Variants in TREML2 observed in about 807,000 individuals in gnomAD.
TREML2 encodes the protein trem-like transcript 2 protein.
TREML2 carries 24 observed loss-of-function variants against 25.9 expected under a neutral mutation model. That is an observed-to-expected ratio of 0.93 (90% CI 0.67 to 1.30). The LOEUF (loss-of-function observed/expected upper bound fraction) is 1.30, where lower values mean the gene tolerates loss of function less well. Among genes scored for constraint, TREML2 ranks in the 50% most tolerant of loss-of-function variants. The probability of loss-of-function intolerance (pLI) is 0.00; values close to 1 mark genes in which losing one functional copy is unlikely to be tolerated. For synonymous variants in TREML2, 139 were observed against 155.2 expected, an observed-to-expected ratio of 0.90 and a Z score of 0.77; for missense variants, 359 against 395.6, an observed-to-expected ratio of 0.91 and a Z score of 0.78.
At chr6:41,192,925 A>G (rs1766093937) in intron 3 of TREML2, 24 bp from the exon 4 acceptor site, 2 of 1,528,380 alleles carry the variant, frequency 1.3e-6, no homozygotes, top group African/African-American at 2.8e-5. Flanking sequence ...ACAGGGTGGA[A>G]GCGGGTGAGC....
At chr6:41,200,071 C>G (rs374812482) in intron 1 of TREML2, among the ~76,000 whole-genome samples, 3 of 152,230 alleles carry the variant, frequency 2.0e-5, no homozygotes, top group East Asian at 3.9e-4. Context: ...TCCAGGACAT[C>G]TGTCCCACCA....
rs1766125265 is a variant in TREML2, at chr6:41,194,606, G to T, written c.604C>A (p.Pro202Thr). ...GTCTGGGACCCCATGGTCCTCCTGGGTCCCTGGCTGGTGGTGCTGGTAGCA... is the reference window on the plus strand; with the variant it reads ...GTCTGGGACCCCATGGTCCTCCTGGTTCCCTGGCTGGTGGTGCTGGTAGCA... ...FTATSTTSQG[P>T]RRTMGSQTVT... Residue 202 changes from proline to threonine, a missense_variant, in exon 3 of 5, where the codon CCC becomes ACC. Coordinates refer to ENST00000483722, the MANE Select transcript of TREML2 (RefSeq NM_024807.4). 10 of 1,614,114 alleles carry T rather than the reference G, an allele frequency of 6.2e-6. No individual in the cohort carries two copies. The Middle Eastern group carries it at 8.2e-4, about 133-fold the overall frequency.
In TREML2 at chr6:41,198,147, A is replaced by G; in HGVS notation, c.338T>C (p.Leu113Pro). Residue 113 changes from leucine (L) to proline (P), a missense_variant, in exon 2 of 5, where the codon CTG becomes CCG. Transcript: ENST00000483722. ...CAGCTGGAAGCCCATCAAGGGGTAC[A>G]GGATCCCAGAGGTGTTGCGCATGCA... ...YWCMRNTSGI[L>P]YPLMGFQLDV... 1.9e-6 allele frequency: 3 copies of G among 1,610,264 alleles called. No homozygotes were observed. Among genetic ancestry groups the G allele is most frequent in the Non-Finnish European group, 2.5e-6 (3 of 1,176,936 alleles).
intron 3 of TREML2, among the ~76,000 whole-genome samples, chr6:41,194,085 A>C: frequency 2.5e-5 from 3 of 118,034 alleles, no homozygotes; most frequent in Admixed American, 8.7e-5. Flanking sequence ...TCCTCCTTTC[A>C]CCTGACCTTC....
rs1217721768 is a variant in TREML2 at position 41,192,801 on chromosome 6, T to A, written c.886A>T (p.Ser296Cys). ...YGFWKKRHMA[S>C]YSMCSDPSTR... ...AGGCTGGGAGGTGGGCTCTACTCAC[T>A]TGCCATGTGTCTCTTCTTCCAAAAC... The change falls in exon 4 of 5, where the codon AGC becomes TGC. Residue 296 changes from serine (S) to cysteine (C), a missense_variant and splice_region_variant. Transcript: ENST00000483722. 6.2e-7 allele frequency: 1 copy of A among 1,611,452 alleles called. No individual in the cohort carries two copies. Among genetic ancestry groups the A allele is most frequent in the Non-Finnish European group, 8.5e-7 (1 of 1,178,474 alleles).
intron 1 of TREML2, 43 bp downstream of exon 1, chr6:41,200,911 G>A (rs1766260958): frequency 6.7e-7 from 1 of 1,489,872 alleles, no homozygotes; most frequent in Non-Finnish European, 8.9e-7. Context: ...TCCTGCCTCT[G>A]TACCCACTCC....
intron 2 of TREML2, among the ~76,000 whole-genome samples, chr6:41,196,436 C>A (rs761571927): frequency 9.9e-5 from 15 of 152,166 alleles, no homozygotes; most frequent in Non-Finnish European, 1.8e-4. Context: ...TAGCTGAGTC[C>A]TTTCCCTTTT....
At chr6:41,195,092 C>A (rs1053083458) in intron 2 of TREML2, among the ~76,000 whole-genome samples, 2 of 152,148 alleles carry the variant, frequency 1.3e-5, no homozygotes, top group Non-Finnish European at 1.5e-5. Flanking sequence ...CGTGTCAGGC[C>A]ACCTGTTCCC....
chr6:41,192,449 T>A lies in TREML2; in HGVS notation c.944A>T (p.Tyr315Phe). Reference protein sequence around the residue: ...TRDPPGRPEPYVEVYLI With the variant: ...TRDPPGRPEPFVEVYLI ...GCCTCAGATCAAGTAGACTTCCACATAGGGCTCTGGTCTTCCAGGTGGGTC... is the reference window on the plus strand; with the variant it reads ...GCCTCAGATCAAGTAGACTTCCACAAAGGGCTCTGGTCTTCCAGGTGGGTC... Residue 315 changes from tyrosine (Y) to phenylalanine (F), a missense_variant, in exon 5 of 5, where the codon TAT (tyrosine) becomes TTT (phenylalanine). Transcript: ENST00000483722. 1 of 1,613,972 alleles carries A rather than the reference T, an allele frequency of 6.2e-7. No homozygotes were observed. The highest frequency in any genetic ancestry group is 8.5e-7 in the Non-Finnish European group (1 of 1,179,928).
intron 4 of TREML2, 92 bp from the exon 5 acceptor site, chr6:41,192,598 C>T: frequency 7.4e-7 from 1 of 1,348,268 alleles, no homozygotes; most frequent in East Asian, 2.4e-5. Context: ...TCTGGCTCTG[C>T]CTCTGGTTCC....
At chr6:41,197,401 A>G (rs556697537) in intron 2 of TREML2, among the ~76,000 whole-genome samples, 72 of 152,178 alleles carry the variant, frequency 4.7e-4, no homozygotes, top group Non-Finnish European at 9.4e-4. Context: ...GTGACTAAAT[A>G]AGCCTTATAC....
intron 1 of TREML2, 144 bp downstream of exon 1, chr6:41,200,810 G>T: frequency 1.5e-6 from 1 of 673,168 alleles, no homozygotes; most frequent in Non-Finnish European, 2.3e-6. Context: ...AGGGTAAAGA[G>T]CTAAGTCAGC....
intron 1 of TREML2, among the ~76,000 whole-genome samples, chr6:41,199,599 G>T (rs887557584): frequency 2.2e-4 from 34 of 152,146 alleles, no homozygotes; most frequent in African/African-American, 8.2e-4. Context: ...GGTGTGCAGG[G>T]TGACTCAGGG....
At chr6:41,197,441 T>C (rs971111513) in intron 2 of TREML2, among the ~76,000 whole-genome samples, 1 of 152,200 alleles carries the variant, frequency 6.6e-6, no homozygotes, top group African/African-American at 2.4e-5. Context: ...CTCAGGACCT[T>C]TGCATATTCA....
chr6:41,191,619 A>G lies in TREML2; in HGVS notation c.*808T>C, dbSNP rs1452265672. 1.3e-5 allele frequency: 2 copies of G among 152,280 alleles called. No individual in the cohort carries two copies. The highest frequency in any genetic ancestry group is 2.9e-5 in the Non-Finnish European group (2 of 68,108). 9.4% of individuals were successfully genotyped at this position (152,280 alleles called of 1,614,324 possible). On this transcript the variant is annotated 3_prime_UTR_variant, in exon 5 of 5. Transcript: ENST00000483722. ...GGAGGCTGCTGGGTCCCCTGTGGGA[A>G]CTCAGACTTGGAGCCCAGGTGTAGA...
chr6:41,192,727 A>G, intron 4 of TREML2, 74 bp downstream of exon 4: 1 of 1,366,450 alleles, frequency 7.3e-7, no homozygotes, highest in Non-Finnish European at 1.0e-6. Flanking sequence ...CCACGTGGGG[A>G]CTCGAGGTCA....
At chr6:41,199,744 G>C (rs1766242425) in intron 1 of TREML2, among the ~76,000 whole-genome samples, 1 of 152,196 alleles carries the variant, frequency 6.6e-6, no homozygotes, top group Non-Finnish European at 1.5e-5. Context: ...CCCCATAGTA[G>C]AGAACAGAGA....
intron 2 of TREML2, among the ~76,000 whole-genome samples, chr6:41,195,270 A>T (rs1251690698): frequency 6.6e-6 from 1 of 152,176 alleles, no homozygotes; most frequent in Non-Finnish European, 1.5e-5. Context: ...CAAATTCCAA[A>T]GAAAGCTGCA....
At chr6:41,198,714 T>C (rs1035222176) in intron 1 of TREML2, among the ~76,000 whole-genome samples, 3 of 151,882 alleles carry the variant, frequency 2.0e-5, no homozygotes, top group African/African-American at 4.8e-5. Context: ...CCTCAGTGAG[T>C]CCCCAGTCTA....
Sources: allele counts gnomAD v4.1 joint callset (sites outside exome capture counted in the v4.1 genomes callset), GRCh38; gene constraint gnomAD v4.1.1; transcripts MANE v1.5; gene names NCBI Gene and HGNC (gene_info 2026-07-23, HGNC 2026-07-21).